The following IGFL1 variants were observed in gnomAD, a reference collection of about 807,000 sequenced individuals.
IGFL1 encodes insulin growth factor-like family member 1.
Under a neutral mutation model 16.0 loss-of-function variants are expected in IGFL1, and 16 were observed. That is an observed-to-expected ratio of 1.00 (90% CI 0.68 to 1.52). The LOEUF is 1.52. Among genes scored for constraint, IGFL1 ranks in the 40% most tolerant of loss-of-function variants. The pLI, the probability that IGFL1 is intolerant of heterozygous loss-of-function variation, is 0.00. For missense variants in IGFL1, 149 were observed against 141.7 expected (o/e 1.05, Z -0.26); for synonymous variants, 59 against 54.0 (o/e 1.09, Z -0.41).
At chr19:46,230,194 G>A in intron 2 of IGFL1, 33 bp downstream of exon 2, 1 of 1,613,746 alleles carries the variant, frequency 6.2e-7, no homozygotes, top group Non-Finnish European at 8.5e-7. Flanking sequence ...AGCTGGAGGA[G>A]GGGTACACCT....
In IGFL1 at chr19:46,230,092, T is replaced by G. The variant is rs1379988389; in HGVS notation, c.26-16T>G. The G allele has an allele frequency of 4.3e-6, 7 of 1,612,478 alleles. No individual in the cohort carries two copies. The highest frequency in any genetic ancestry group is 5.9e-6 in the Non-Finnish European group (7 of 1,179,474). On this transcript the variant is annotated splice_polypyrimidine_tract_variant and intron_variant, in intron 1 of 3. Transcript: ENST00000437936. ...GGCTGTCCACTCACCCCATCTTCCC[T>G]TTCCCTTTCCCACAGCTGTCTTTGC...
intron 3 of IGFL1, 93 bp from the exon 4 acceptor site, chr19:46,230,728 C>G: frequency 6.8e-7 from 1 of 1,461,806 alleles, no homozygotes; most frequent in Non-Finnish European, 9.5e-7. Context: ...CTCCTCCTGG[C>G]TCTCCTGTCC....
At chr19:46,229,886 T>C (rs1967224016) in intron 1 of IGFL1, 87 bp downstream of exon 1, 1 of 1,443,232 alleles carries the variant, frequency 6.9e-7, no homozygotes, top group African/African-American at 1.4e-5. Flanking sequence ...AAACTACACC[T>C]CATCCCTGTT....
At position 46,230,119 on chromosome 19, in the gene IGFL1, A is replaced by G. The variant is rs1967226276; in HGVS notation, c.37A>G (p.Ile13Val). The change falls in exon 2 of 4, where the codon ATT becomes GTT. Residue 13 changes from isoleucine to valine, a missense_variant. Transcript: ENST00000437936. ...TCCCTTTCCCACAGCTGTCTTTGCC[A>G]TTTTCTGCATCTCCAGGCTCCTCTG... is the stretch of plus-strand genomic sequence containing the variant. ...PRGCIVAVFA[I>V]FCISRLLCSH... is the part of the protein sequence containing the mutation. The G allele has an allele frequency of 1.2e-6, 2 of 1,613,322 alleles. No homozygotes were observed. The highest frequency in any genetic ancestry group is 1.1e-5 in the South Asian group (1 of 91,062).
chr19:46,230,775 G>T, intron 3 of IGFL1, 46 bp from the exon 4 acceptor site: 1 of 1,605,294 alleles, frequency 6.2e-7, no homozygotes, highest in South Asian at 1.1e-5. Flanking sequence ...CCCCATCTCT[G>T]GCCATCTCTG....
chr19:46,230,008 C>A, intron 1 of IGFL1, 100 bp from the exon 2 acceptor site: 1 of 1,431,644 alleles, frequency 7.0e-7, no homozygotes, highest in Non-Finnish European at 9.8e-7. Flanking sequence ...TGCTCAAAGC[C>A]ATACCGAGCC....
Position 46,230,787 on chromosome 19 carries a change from C to G in IGFL1, c.324-34C>G, listed in dbSNP as rs370058185. The G allele has an allele frequency of 4.2e-5, 68 of 1,610,114 alleles. No homozygotes were observed. The African/African-American group carries it at 6.7e-4, about 16-fold the overall frequency. ...CGCCCCCATCTCTGGCCATCTCTGT[C>G]CCGCTCAGTGTCTCTCTCTGTCACT... On this transcript the variant is annotated intron_variant, in intron 3 of 3. Coordinates refer to ENST00000437936, the MANE Select transcript of IGFL1 (RefSeq NM_198541.2).
In IGFL1 at chr19:46,230,159, C is replaced by G; in HGVS notation, c.77C>G (p.Pro26Arg). 4 of 1,613,992 alleles carry G rather than the reference C, an allele frequency of 2.5e-6. No individual in the cohort carries two copies. Among genetic ancestry groups the G allele is most frequent in the Non-Finnish European group, 3.4e-6 (4 of 1,179,880 alleles). ...AGGCTCCTCTGCTCACACGGAGCCC[C>G]AGGTGAGCCCAGGAGTGTTTGGGAA... is the stretch of plus-strand genomic sequence containing the variant. Reference protein sequence around the residue: ...ISRLLCSHGAPVAPMTPYLML... With the variant: ...ISRLLCSHGARVAPMTPYLML... Residue 26 changes from proline to arginine, a missense_variant and splice_region_variant, in exon 2 of 4, where the codon CCA becomes CGA. Transcript: ENST00000437936.
chr19:46,230,758 G>A (rs1967234425), intron 3 of IGFL1, 63 bp from the exon 4 acceptor site: 1 of 1,576,458 alleles, frequency 6.3e-7, no homozygotes, highest in Non-Finnish European at 8.7e-7. Context: ...CCCATGTTCA[G>A]TCTCGCCCCC....
At position 46,230,314 on chromosome 19, in the gene IGFL1, C is replaced by T; in HGVS notation, c.120C>T (p.His40=). The change falls in exon 3 of 4, where the codon CAC becomes CAT. Residue 40 remains histidine (H), a synonymous_variant. Transcript: ENST00000437936. ...CTTACCTGATGCTGTGCCAGCCACA[C>T]AAGAGATGTGGGGACAAGTTCTACG... ...MTPYLMLCQP[H]KRCGDKFYDP... is the part of the protein sequence containing the mutation. 6.2e-7 allele frequency: 1 copy of T among 1,614,012 alleles called. No homozygotes were observed. The highest frequency in any genetic ancestry group is 1.3e-5 in the African/African-American group (1 of 75,056).
In IGFL1 at chr19:46,230,963, A is replaced by T; in HGVS notation, c.*133A>T. On this transcript the variant is annotated 3_prime_UTR_variant, in exon 4 of 4. Coordinates refer to ENST00000437936, the MANE Select transcript of IGFL1 (RefSeq NM_198541.2). ...CAGAGAAACACACACTCAACTGCCC[A>T]CTTCATTCTGTGACCTGTCTGAGGC... 1.1e-6 allele frequency: 1 copy of T among 907,056 alleles called. No homozygotes were observed. Among genetic ancestry groups the T allele is most frequent in the Non-Finnish European group, 1.8e-6 (1 of 562,150 alleles). The allele number at this position is 907,056 out of a possible 1,614,324, so 56.2% of individuals were successfully genotyped here. A position where few individuals can be genotyped will look rare whatever the true frequency, so the allele number is the denominator to read the frequency against.
chr19:46,230,374 C>G lies in IGFL1; in HGVS notation c.180C>G (p.Val60=). The change falls in exon 3 of 4, where the codon GTC becomes GTG. Residue 60 remains valine (V), a synonymous_variant. Transcript: ENST00000437936. ...AGCACTGTTGCTATGATGATGCCGT[C>G]GTGCCCTTGGCCAGGACCCAGACGT... The part of the protein sequence containing the change: ...PLQHCCYDDA[V]VPLARTQTCG... 6.2e-7 allele frequency: 1 copy of G among 1,614,032 alleles called. No individual in the cohort carries two copies. The highest frequency in any genetic ancestry group is 2.2e-5 in the East Asian group (1 of 44,884).
At position 46,230,328 on chromosome 19, in the gene IGFL1, A is replaced by G. The variant is rs776443596; in HGVS notation, c.134A>G (p.Asp45Gly). Residue 45 changes from aspartate to glycine, a missense_variant, in exon 3 of 4, where the codon GAC becomes GGC. Transcript: ENST00000437936. ...MLCQPHKRCGDKFYDPLQHCC... is the reference protein window; with the variant it reads ...MLCQPHKRCGGKFYDPLQHCC... ...TGCCAGCCACACAAGAGATGTGGGG[A>G]CAAGTTCTACGACCCCCTGCAGCAC... is the stretch of plus-strand genomic sequence containing the variant. The G allele has an allele frequency of 6.2e-7, 1 of 1,613,928 alleles. No individual in the cohort carries two copies. The highest frequency in any genetic ancestry group is 1.3e-5 in the African/African-American group (1 of 75,012).
intron 1 of IGFL1, 95 bp downstream of exon 1, chr19:46,229,894 G>T (rs569307881): frequency 5.6e-6 from 8 of 1,423,188 alleles, no homozygotes; most frequent in Non-Finnish European, 7.8e-6. Flanking sequence ...CCTCATCCCT[G>T]TTCCCATGCC....
At chr19:46,230,798 T>C (rs1445171868) in intron 3 of IGFL1, 23 bp from the exon 4 acceptor site, 7 of 1,611,212 alleles carry the variant, frequency 4.3e-6, no homozygotes, top group African/African-American at 1.3e-5. Context: ...CCGCTCAGTG[T>C]CTCTCTCTGT....
Position 46,230,345 on chromosome 19 carries a change from C to T in IGFL1, c.151C>T (p.Leu51=). 1.9e-6 allele frequency: 3 copies of T among 1,614,048 alleles called. No homozygotes were observed. The highest frequency in any genetic ancestry group is 1.7e-6 in the Non-Finnish European group (2 of 1,179,894). ...ATGTGGGGACAAGTTCTACGACCCC[C>T]TGCAGCACTGTTGCTATGATGATGC... is the stretch of plus-strand genomic sequence containing the variant. ...KRCGDKFYDP[L]QHCCYDDAVV... is the part of the protein sequence containing the mutation. Residue 51 remains leucine, a synonymous_variant, in exon 3 of 4, where the codon CTG becomes TTG. Transcript: ENST00000437936.
At position 46,230,926 on chromosome 19, in the gene IGFL1, CTGTT is replaced by C; in HGVS notation, c.*99_*102del. On this transcript the variant is annotated 3_prime_UTR_variant, in exon 4 of 4. Transcript: ENST00000437936. ...ACCTGAGATCTGGGATGCTGAGTGG[CTGTT>C]TGGGGGCCAGAGAAACACACACTCA... 1 of 1,257,002 alleles carries C rather than the reference CTGTT, an allele frequency of 8.0e-7. No homozygotes were observed. Among genetic ancestry groups the C allele is most frequent in the Non-Finnish European group, 1.1e-6 (1 of 875,494 alleles). 77.9% of individuals were successfully genotyped at this position (1,257,002 alleles called of 1,614,324 possible). A position where few individuals can be genotyped will look rare whatever the true frequency, so the allele number is the denominator to read the frequency against.
At position 46,230,340 on chromosome 19, in the gene IGFL1, A is replaced by AC; in HGVS notation, c.151dup (p.Leu51ProfsTer7). 6.2e-7 allele frequency: 1 copy of AC among 1,613,274 alleles called. No homozygotes were observed. The highest frequency in any genetic ancestry group is 1.1e-5 in the South Asian group (1 of 91,012). ...AAGAGATGTGGGGACAAGTTCTACG[A>AC]CCCCCTGCAGCACTGTTGCTATGAT... On this transcript the variant is annotated frameshift_variant, in exon 3 of 4. Coordinates refer to ENST00000437936, the MANE Select transcript of IGFL1 (RefSeq NM_198541.2). LOFTEE classifies it high-confidence loss of function.
At position 46,230,998 on chromosome 19, in the gene IGFL1, A is replaced by T. The variant is rs2286804; in HGVS notation, c.*168A>T. The T allele has an allele frequency of 7.0e-6, 5 of 714,884 alleles. No individual in the cohort carries two copies. Among genetic ancestry groups the T allele is most frequent in the South Asian group, 4.9e-5 (3 of 61,804 alleles). The allele number at this position is 714,884 out of a possible 1,614,324, so 44.3% of individuals were successfully genotyped here. ...GTGACCTGTCTGAGGCCCACCCTGC[A>T]GCTGCCCTGAGGAGGCCCACAGGTC... On this transcript the variant is annotated 3_prime_UTR_variant, in exon 4 of 4. Coordinates refer to ENST00000437936, the MANE Select transcript of IGFL1 (RefSeq NM_198541.2).
Sources: allele counts gnomAD v4.1 joint callset, GRCh38; gene constraint gnomAD v4.1.1; transcripts MANE v1.5; gene names NCBI Gene and HGNC (gene_info 2026-07-23, HGNC 2026-07-21).